Variants in TGIF1 observed in about 807,000 individuals in gnomAD.
TGIF1 encodes homeobox protein TGIF1.
Under a neutral mutation model 19.3 loss-of-function variants are expected in TGIF1, and 4 were observed. That is an observed-to-expected ratio of 0.21 (90% CI 0.10 to 0.47). The LOEUF (loss-of-function observed/expected upper bound fraction) is 0.47, where lower values mean the gene tolerates loss of function less well. Among genes scored for constraint, TGIF1 ranks in the 20% least tolerant of loss-of-function variants. The pLI is 0.98. For synonymous variants in TGIF1, 122 were observed against 129.3 expected (o/e 0.94, Z 0.38); for missense variants, 275 against 341.4 (o/e 0.81, Z 1.53).
intron 1 of TGIF1, among the ~76,000 whole-genome samples, chr18:3,412,434 C>A (rs949734569): frequency 2.6e-5 from 4 of 152,094 alleles, no homozygotes; most frequent in African/African-American, 7.2e-5. Context: ...AAGCCTGTAT[C>A]AATGAGAAGA....
At chr18:3,448,035 A>C (rs1457581348), upstream of TGIF1, 3 of 976,068 alleles carry the variant, frequency 3.1e-6, no homozygotes, top group African/African-American at 5.3e-5. Flanking sequence ...ACCACGGGGA[A>C]GAGGGAAACA....
intron 2 of TGIF1, among the ~76,000 whole-genome samples, chr18:3,437,965 T>A (rs1327797356): frequency 1.3e-5 from 2 of 152,010 alleles, no homozygotes; most frequent in African/African-American, 4.8e-5. Flanking sequence ...ACGCTTGTAA[T>A]CCCAGCCACT....
intron 2 of TGIF1, among the ~76,000 whole-genome samples, chr18:3,435,786 T>TCAC (rs1160098907): frequency 6.6e-6 from 1 of 152,218 alleles, no homozygotes; most frequent in Non-Finnish European, 1.5e-5. Flanking sequence ...AGTTGCTCTC[T>TCAC]CACTAGCTGT....
At chr18:3,434,475 G>T (rs2082590587) in intron 2 of TGIF1, among the ~76,000 whole-genome samples, 1 of 152,158 alleles carries the variant, frequency 6.6e-6, no homozygotes, top group African/African-American at 2.4e-5. Context: ...GACAGAGGTT[G>T]CGGTGAGGCA....
In TGIF1 at chr18:3,457,098, A is replaced by G; in HGVS notation, c.244-267A>G. 3 of 578,420 alleles carry G rather than the reference A, an allele frequency of 5.2e-6. No individual in the cohort carries two copies. The highest frequency in any genetic ancestry group is 9.2e-6 in the Non-Finnish European group (3 of 327,108). The allele number at this position is 578,420 out of a possible 1,614,324, so 35.8% of individuals were successfully genotyped here. A position where few individuals can be genotyped will look rare whatever the true frequency, so the allele number is the denominator to read the frequency against. On this transcript the variant is annotated intron_variant, in intron 2 of 2. Transcript: ENST00000343820. This position sits in a 1 kb window ranked among gnomAD's most constrained non-coding sequence, Gnocchi z 4.9. ...ATCATTTTTAAGCATTTGAGATTGT[A>G]TGTCTTTTTCTTCGTCCTGAAAAGG...
chr18:3,451,541 G>A lies in TGIF1; in HGVS notation c.16+1036G>A. On this transcript the variant is annotated intron_variant, in intron 1 of 2. Transcript: ENST00000343820. The surrounding 1 kb of genome is among the most constrained non-coding windows in gnomAD (Gnocchi z 5.4). Reference sequence around the variant, plus strand: ...AGTTAATCACTCGGGAAGCGGACGGGAGGGGCGGCGCTACTGCGCATGCCC... The same window carrying A: ...AGTTAATCACTCGGGAAGCGGACGGAAGGGGCGGCGCTACTGCGCATGCCC... The A allele has an allele frequency of 4.0e-6, 4 of 1,008,392 alleles. No homozygotes were observed. The highest frequency in any genetic ancestry group is 4.7e-6 in the Non-Finnish European group (4 of 845,858). The allele number at this position is 1,008,392 out of a possible 1,614,324, so 62.5% of individuals were successfully genotyped here. A position where few individuals can be genotyped will look rare whatever the true frequency, so the allele number is the denominator to read the frequency against.
At chr18:3,445,764 G>GAAAAAA (rs1568041656), upstream of TGIF1, among the ~76,000 whole-genome samples, 4 of 24,124 alleles carry the variant, frequency 1.7e-4, no homozygotes, top group African/African-American at 4.4e-4. Context: ...GAGAAGAAAA[G>GAAAAAA]CAAAAAAAAA....
Position 3,458,173 on chromosome 18 carries a change from C to T in TGIF1, c.*233C>T. 1.9e-6 allele frequency: 1 copy of T among 514,188 alleles called. No individual in the cohort carries two copies. Among genetic ancestry groups the T allele is most frequent in the Non-Finnish European group, 3.4e-6 (1 of 293,402 alleles). 31.9% of individuals were successfully genotyped at this position (514,188 alleles called of 1,614,324 possible). A position where few individuals can be genotyped will look rare whatever the true frequency, so the allele number is the denominator to read the frequency against. ...TTTAAATGTTTCTTGGTAGATTATT[C>T]ATAATGTGAGATGGTTCCCAATATC... On this transcript the variant is annotated 3_prime_UTR_variant, in exon 3 of 3. Transcript: ENST00000343820.
intron 2 of TGIF1, among the ~76,000 whole-genome samples, chr18:3,427,819 C>G (rs1042836211): frequency 2.6e-5 from 4 of 151,910 alleles, no homozygotes; most frequent in Admixed American, 2.6e-4. Context: ...AGGATGGTCT[C>G]GAACTCTTGA....
At chr18:3,448,398 C>T (rs992485814), upstream of TGIF1, 11 of 1,008,668 alleles carry the variant, frequency 1.1e-5, no homozygotes, top group East Asian at 1.0e-4. Context: ...CCCCTCCCTG[C>T]GCCACATCTG....
Position 3,451,392 on chromosome 18 carries a change from G to C in TGIF1, c.16+887G>C. ...CCACACAAAACACCCCGAAAGGTCA[G>C]AGTGTGAAGTCCCTTTTGAAGTTAA... On this transcript the variant is annotated intron_variant, in intron 1 of 2. Transcript: ENST00000343820. The surrounding 1 kb of genome is among the most constrained non-coding windows in gnomAD (Gnocchi z 5.4). 2.0e-6 allele frequency: 2 copies of C among 976,946 alleles called. No individual in the cohort carries two copies. The highest frequency in any genetic ancestry group is 2.4e-6 in the Non-Finnish European group (2 of 825,314). 60.5% of individuals were successfully genotyped at this position (976,946 alleles called of 1,614,324 possible).
chr18:3,450,111 A>T (rs940611730), upstream of TGIF1: 3 of 1,008,236 alleles, frequency 3.0e-6, no homozygotes, highest in African/African-American at 5.2e-5. Context: ...CGGGAGGGGG[A>T]CGGGGCGGGC....
At chr18:3,420,754 A>G (rs947077764) in intron 2 of TGIF1, among the ~76,000 whole-genome samples, 2 of 152,234 alleles carry the variant, frequency 1.3e-5, no homozygotes, top group Non-Finnish European at 2.9e-5. Flanking sequence ...AAGACAGTTC[A>G]CATGTCAGGC....
intron 2 of TGIF1, among the ~76,000 whole-genome samples, chr18:3,439,408 C>T (rs1400550113): frequency 1.4e-5 from 2 of 146,594 alleles, no homozygotes; most frequent in Non-Finnish European, 3.0e-5. Flanking sequence ...AGTACAGTGG[C>T]AGATCTCGGC....
intron 1 of TGIF1, chr18:3,455,605 G>A (rs1297241865): frequency 1.3e-5 from 2 of 152,346 alleles, no homozygotes; most frequent in African/African-American, 2.4e-5. Flanking sequence ...CCTTACTAAA[G>A]TACCAGTAGT....
intron 2 of TGIF1, among the ~76,000 whole-genome samples, chr18:3,436,359 T>C (rs973474509): frequency 1.3e-5 from 2 of 152,200 alleles, no homozygotes; most frequent in Non-Finnish European, 2.9e-5. Flanking sequence ...TATTTACATT[T>C]TGGCTGACAA....
intron 2 of TGIF1, among the ~76,000 whole-genome samples, chr18:3,427,116 G>C (rs1342152025): frequency 1.3e-5 from 2 of 151,898 alleles, no homozygotes; most frequent in East Asian, 3.9e-4. Context: ...GCTAATTTTT[G>C]TATTTTTAGT....
chr18:3,422,272 G>C (rs2082409248), intron 2 of TGIF1, among the ~76,000 whole-genome samples: 1 of 113,760 alleles, frequency 8.8e-6, no homozygotes, highest in South Asian at 3.1e-4. Flanking sequence ...TTGTGTTTCA[G>C]TTTTTAACAA....
chr18:3,413,700 T>C (rs1598847334), intron 1 of TGIF1, among the ~76,000 whole-genome samples: 1 of 152,262 alleles, frequency 6.6e-6, no homozygotes, highest in Non-Finnish European at 1.5e-5. Flanking sequence ...GGAGACCTCG[T>C]CTCTATAATT....
Sources: allele counts gnomAD v4.1 joint callset (sites outside exome capture counted in the v4.1 genomes callset), GRCh38; gene constraint gnomAD v4.1.1; non-coding constraint Gnocchi (gnomAD v3.1); transcripts MANE v1.5; gene names NCBI Gene and HGNC (gene_info 2026-07-23, HGNC 2026-07-21).